Variants in YIPF1 observed in about 807,000 individuals in gnomAD.
YIPF1 encodes the protein Yip1 domain family member 1.
In YIPF1, 22 loss-of-function variants were observed where a neutral mutation model predicts 37.0. That is an observed-to-expected ratio of 0.59 (90% CI 0.42 to 0.85). The LOEUF is 0.85. Ranked by LOEUF, YIPF1 falls within the 40% of genes least tolerant of loss-of-function variation. The pLI is 0.00. For missense variants in YIPF1, 355 were observed against 373.1 expected (o/e 0.95, Z 0.40); for synonymous variants, 128 against 131.9 (o/e 0.97, Z 0.21).
At chr1:53,862,315 C>T (rs1649904876) in intron 9 of YIPF1, among the ~76,000 whole-genome samples, 1 of 152,184 alleles carries the variant, frequency 6.6e-6, no homozygotes, top group Non-Finnish European at 1.5e-5. Flanking sequence ...TTCTAATTCT[C>T]CAACACTTCC....
chr1:53,856,687 G>A (rs1405295002), intron 10 of YIPF1, among the ~76,000 whole-genome samples: 1 of 152,124 alleles, frequency 6.6e-6, no homozygotes, highest in Non-Finnish European at 1.5e-5. Flanking sequence ...TCCCTTCTTG[G>A]CCCCATAATG....
intron 3 of YIPF1, among the ~76,000 whole-genome samples, chr1:53,888,181 G>A (rs543069984): frequency 9.9e-5 from 15 of 152,230 alleles, no homozygotes; most frequent in Non-Finnish European, 1.9e-4. Context: ...AGCCAAGATC[G>A]AGCCAAGGCA....
intron 10 of YIPF1, among the ~76,000 whole-genome samples, chr1:53,855,270 C>T (rs1196501304): frequency 6.6e-6 from 1 of 151,810 alleles, no homozygotes; most frequent in Non-Finnish European, 1.5e-5. Context: ...TCCGGACAGC[C>T]CCACCTGTCA....
At chr1:53,865,533 A>G (rs1472621742) in intron 9 of YIPF1, among the ~76,000 whole-genome samples, 1 of 152,202 alleles carries the variant, frequency 6.6e-6, no homozygotes, top group Non-Finnish European at 1.5e-5. Context: ...CACCATTTTT[A>G]TATAGAGAAC....
At chr1:53,878,859 C>G (rs529069648) in intron 4 of YIPF1, 137 bp from the exon 5 acceptor site, 1 of 710,562 alleles carries the variant, frequency 1.4e-6, no homozygotes, top group Non-Finnish European at 2.1e-6. Flanking sequence ...CAATAACCAA[C>G]TCTGAAATAG....
At chr1:53,867,654 A>G (rs1392727347) in intron 7 of YIPF1, among the ~76,000 whole-genome samples, 2 of 152,220 alleles carry the variant, frequency 1.3e-5, no homozygotes, top group East Asian at 1.9e-4. Flanking sequence ...GTGAGCCACC[A>G]CGCCCGGCTG....
chr1:53,866,263 G>C lies in YIPF1; in HGVS notation c.768C>G (p.Arg256=), dbSNP rs777379531. 4 of 1,614,028 alleles carry C rather than the reference G, an allele frequency of 2.5e-6. No homozygotes were observed. In the African/African-American group the frequency reaches 5.3e-5, roughly 22 times the overall value. Residue 256 remains arginine (R), a synonymous_variant, in exon 9 of 11, where the codon CGC becomes CGG. Transcript: ENST00000072644. The part of the protein sequence containing the change: ...FWPAVREDNR[R]VALATIVTIV... ...TTGTCACAATTGTGGCCAATGCAAC[G>C]CGTCGGTTATCCTCACGAACAGCTG... is the stretch of plus-strand genomic sequence containing the variant.
chr1:53,870,223 G>A (rs996102181), intron 7 of YIPF1, among the ~76,000 whole-genome samples: 1 of 139,702 alleles, frequency 7.2e-6, no homozygotes, highest in African/African-American at 2.7e-5. Flanking sequence ...CCAGGCTGGA[G>A]TGCAGTGGTA....
At chr1:53,876,275 C>T (rs1202222817) in intron 6 of YIPF1, among the ~76,000 whole-genome samples, 1 of 151,998 alleles carries the variant, frequency 6.6e-6, no homozygotes, top group African/African-American at 2.4e-5. Context: ...TGGTTATATG[C>T]ATTGGAAGTA....
At chr1:53,885,044 C>A (rs759354932) in intron 3 of YIPF1, among the ~76,000 whole-genome samples, 7 of 152,206 alleles carry the variant, frequency 4.6e-5, no homozygotes, top group Non-Finnish European at 5.9e-5. Context: ...ACATGAGGTT[C>A]TGGAGTGAGA....
intron 9 of YIPF1, among the ~76,000 whole-genome samples, chr1:53,865,474 AT>A (rs1314576384): frequency 6.6e-6 from 1 of 152,222 alleles, no homozygotes; most frequent in Non-Finnish European, 1.5e-5. Flanking sequence ...TGCACTAGGT[AT>A]TATGAGTAAT....
chr1:53,884,778 T>C (rs1650599940), intron 3 of YIPF1, among the ~76,000 whole-genome samples: 1 of 152,210 alleles, frequency 6.6e-6, no homozygotes, highest in Non-Finnish European at 1.5e-5. Context: ...TAACATACTT[T>C]ATTTCAGCTG....
At chr1:53,855,537 C>T (rs550224608) in intron 10 of YIPF1, among the ~76,000 whole-genome samples, 1 of 152,300 alleles carries the variant, frequency 6.6e-6, no homozygotes, top group Admixed American at 6.5e-5. Context: ...CAGTTGACAA[C>T]AGACCACGTA....
intron 10 of YIPF1, among the ~76,000 whole-genome samples, chr1:53,856,042 A>C (rs965490472): frequency 3.9e-5 from 6 of 152,204 alleles, no homozygotes; most frequent in African/African-American, 1.4e-4. Context: ...TGACAGTAGA[A>C]GGCACAGCCA....
intron 3 of YIPF1, among the ~76,000 whole-genome samples, chr1:53,883,893 G>C (rs939152143): frequency 1.3e-5 from 2 of 151,980 alleles, no homozygotes; most frequent in Non-Finnish European, 2.9e-5. Flanking sequence ...AAAATTAGCC[G>C]GGTGTAGTGG....
At chr1:53,857,497 T>C (rs1649749812) in intron 10 of YIPF1, among the ~76,000 whole-genome samples, 1 of 152,084 alleles carries the variant, frequency 6.6e-6, no homozygotes, top group Admixed American at 6.5e-5. Flanking sequence ...AAAAGAACAT[T>C]TGTCTAAAAA....
intron 2 of YIPF1, 31 bp from the exon 3 acceptor site, chr1:53,889,017 G>T: frequency 7.9e-7 from 1 of 1,267,626 alleles, no homozygotes; most frequent in Non-Finnish European, 1.1e-6. Flanking sequence ...AACATAATAG[G>T]ATGACAGTAT....
chr1:53,878,217 A>G (rs1650384329), intron 6 of YIPF1, 98 bp downstream of exon 6: 1 of 1,180,746 alleles, frequency 8.5e-7, no homozygotes, highest in African/African-American at 1.5e-5. Flanking sequence ...AATACATGGC[A>G]TGCCCCACCA....
Position 53,883,208 on chromosome 1 carries a change from C to G in YIPF1, c.100G>C (p.Gly34Arg), listed in dbSNP as rs529345989. 6 of 1,597,690 alleles carry G rather than the reference C, an allele frequency of 3.8e-6. No individual in the cohort carries two copies. Among genetic ancestry groups the G allele is most frequent in the South Asian group, 3.4e-5 (3 of 88,140 alleles). Residue 34 changes from glycine (G) to arginine (R), a missense_variant, in exon 4 of 11, where the codon GGT becomes CGT. Physicochemically the swap from Gly to Arg is moderately radical, Grantham distance 125 (BLOSUM62 -2). Coordinates refer to ENST00000072644, the MANE Select transcript of YIPF1 (RefSeq NM_018982.5). ...DATTVNIEDPGETPKHQPGSP... is the reference protein window; with the variant it reads ...DATTVNIEDPRETPKHQPGSP... The stretch of plus-strand genomic sequence containing the variant: ...CCTGGCTGATGTTTTGGGGTTTCAC[C>G]AGGATCCTCAATGTTTACTGTGGTG...
Sources: allele counts gnomAD v4.1 joint callset (sites outside exome capture counted in the v4.1 genomes callset), GRCh38; gene constraint gnomAD v4.1.1; transcripts MANE v1.5; gene names NCBI Gene and HGNC (gene_info 2026-07-23, HGNC 2026-07-21).